UBL4B: variants seen among roughly 807,000 people sequenced by gnomAD.
The protein encoded by UBL4B is ubiquitin like 4B.
For synonymous variants in UBL4B, 94 were observed against 92.8 expected (o/e 1.01, Z -0.08); for missense variants, 194 against 209.9 (o/e 0.92, Z 0.47).
chr1:110,113,030 GAGA>G lies in UBL4B; in HGVS notation c.499_501del (p.Lys167del), dbSNP rs762319064. 8.2e-6 allele frequency: 13 copies of G among 1,589,402 alleles called. No homozygotes were observed. The Admixed American group carries it at 2.4e-4, about 29-fold the overall frequency. ...GCCTCAGAGCTCCTGTGACATGGAG[GAGA>G]AGGAGGAGGCAGCAGCTGATCAGTA... is the stretch of plus-strand genomic sequence containing the variant. On this transcript the variant is annotated inframe_deletion, in exon 1 of 1. Coordinates refer to ENST00000334179, the MANE Select transcript of UBL4B (RefSeq NM_203412.2).
chr1:110,113,338 G>A lies in UBL4B; in HGVS notation c.*279G>A. The A allele has an allele frequency of 2.3e-6, 1 of 435,308 alleles. No individual in the cohort carries two copies. The allele number at this position is 435,308 out of a possible 1,614,324, so 27.0% of individuals were successfully genotyped here. A position where few individuals can be genotyped will look rare whatever the true frequency, so the allele number is the denominator to read the frequency against. On this transcript the variant is annotated 3_prime_UTR_variant, in exon 1 of 1. Coordinates refer to ENST00000334179, the MANE Select transcript of UBL4B (RefSeq NM_203412.2). ...AAGGCCACAGTCCCCTCCTGTGCTG[G>A]CAGCTTTGCCCACACATACCCAGCA... is the stretch of plus-strand genomic sequence containing the variant.
chr1:110,112,527 T>C lies in UBL4B; in HGVS notation c.-8T>C, dbSNP rs369466291. ...GAGCATGGATCCCTCCTGATTCCAC[T>C]CAGCCCGATGTTCCTCACAGTCAAG... On this transcript the variant is annotated 5_prime_UTR_variant, in exon 1 of 1. Transcript: ENST00000334179. 6.3e-7 allele frequency: 1 copy of C among 1,597,520 alleles called. No homozygotes were observed. The highest frequency in any genetic ancestry group is 8.5e-7 in the Non-Finnish European group (1 of 1,171,330).
chr1:110,113,193 AG>A lies in UBL4B; in HGVS notation c.*137del. The A allele has an allele frequency of 7.4e-7, 1 of 1,347,564 alleles. No homozygotes were observed. The highest frequency in any genetic ancestry group is 2.5e-5 in the East Asian group (1 of 39,300). The allele number at this position is 1,347,564 out of a possible 1,614,324, so 83.5% of individuals were successfully genotyped here. A position where few individuals can be genotyped will look rare whatever the true frequency, so the allele number is the denominator to read the frequency against. On this transcript the variant is annotated 3_prime_UTR_variant, in exon 1 of 1. Coordinates refer to ENST00000334179, the MANE Select transcript of UBL4B (RefSeq NM_203412.2). The stretch of plus-strand genomic sequence containing the variant: ...CTTTTTGAACCTTCCAAGCAGCTGG[AG>A]GGTTTTTGGATCCCTGTCCCCTCTT...
chr1:110,112,823 G>C lies in UBL4B; in HGVS notation c.289G>C (p.Val97Leu). ...TQPLWHQLGL[V>L]LAKHFEPQDA... ...GCCCCTGTGGCACCAGCTGGGACTG[G>C]TCCTAGCTAAACACTTTGAACCACA... The change falls in exon 1 of 1, where the codon GTC becomes CTC. Residue 97 changes from valine (V) to leucine (L), a missense_variant. Val to Leu is a conservative substitution (Grantham distance 32, BLOSUM62 1). Coordinates refer to ENST00000334179, the MANE Select transcript of UBL4B (RefSeq NM_203412.2). 1 of 1,613,852 alleles carries C rather than the reference G, an allele frequency of 6.2e-7. No individual in the cohort carries two copies. The highest frequency in any genetic ancestry group is 8.5e-7 in the Non-Finnish European group (1 of 1,180,010).
At position 110,112,601 on chromosome 1, in the gene UBL4B, G is replaced by A. The variant is rs1654820704; in HGVS notation, c.67G>A (p.Val23Ile). 3 of 1,614,142 alleles carry A rather than the reference G, an allele frequency of 1.9e-6. No individual in the cohort carries two copies. Among genetic ancestry groups the A allele is most frequent in the Non-Finnish European group, 2.5e-6 (3 of 1,180,046 alleles). The change falls in exon 1 of 1, where the codon GTA (valine) becomes ATA (isoleucine). Residue 23 changes from valine to isoleucine, a missense_variant. By Grantham distance (29) the Val-to-Ile change is conservative. Transcript: ENST00000334179. ...TCTGAAGGTGTCAGGGCAAGAGAGT[G>A]TAGCCACGCTGAAGAGACTGGTGTC... is the stretch of plus-strand genomic sequence containing the variant. ...CSLKVSGQES[V>I]ATLKRLVSRR...
chr1:110,112,817 G>A lies in UBL4B; in HGVS notation c.283G>A (p.Gly95Arg). ...GACCCAGCCCCTGTGGCACCAGCTG[G>A]GACTGGTCCTAGCTAAACACTTTGA... ...PQTQPLWHQL[G>R]LVLAKHFEPQ... Residue 95 changes from glycine (G) to arginine (R), a missense_variant, in exon 1 of 1, where the codon GGA becomes AGA. Transcript: ENST00000334179. 2 of 1,613,900 alleles carry A rather than the reference G, an allele frequency of 1.2e-6. No individual in the cohort carries two copies. The highest frequency in any genetic ancestry group is 2.2e-5 in the South Asian group (2 of 91,088).
chr1:110,112,902 A>G lies in UBL4B; in HGVS notation c.368A>G (p.Gln123Arg), dbSNP rs375276689. 1 of 1,612,926 alleles carries G rather than the reference A, an allele frequency of 6.2e-7. No homozygotes were observed. Among genetic ancestry groups the G allele is most frequent in the Admixed American group, 1.7e-5 (1 of 59,854 alleles). Residue 123 changes from glutamine to arginine, a missense_variant, in exon 1 of 1, where the codon CAG (glutamine) becomes CGG (arginine). Coordinates refer to ENST00000334179, the MANE Select transcript of UBL4B (RefSeq NM_203412.2). ...AGGCAGGAGCACGAGGAGCGCCTGC[A>G]GAAGATAAGCCTGGAGCACCTGGAG... ...LLRQEHEERL[Q>R]KISLEHLEQL... is the part of the protein sequence containing the mutation.
At position 110,112,681 on chromosome 1, in the gene UBL4B, C is replaced by G. The variant is rs1192446376; in HGVS notation, c.147C>G (p.Leu49=). 46 of 1,614,038 alleles carry G rather than the reference C, an allele frequency of 2.8e-5. 1 individual carries two copies. The highest frequency in any genetic ancestry group is 3.9e-5 in the Non-Finnish European group (46 of 1,180,050). The change falls in exon 1 of 1, where the codon CTC becomes CTG. Residue 49 remains leucine (L), a synonymous_variant. Coordinates refer to ENST00000334179, the MANE Select transcript of UBL4B (RefSeq NM_203412.2). ...EQQHLLFRGQ[L]LEDDKHLSDY... is the part of the protein sequence containing the mutation. ...AGCACCTGCTTTTCCGTGGCCAGCTCCTGGAGGATGACAAGCACCTCTCTG... is the reference window on the plus strand; with the variant it reads ...AGCACCTGCTTTTCCGTGGCCAGCTGCTGGAGGATGACAAGCACCTCTCTG...
rs2101819040 is a variant in UBL4B, at chr1:110,113,114, G to A, written c.*55G>A. On this transcript the variant is annotated 3_prime_UTR_variant, in exon 1 of 1. Transcript: ENST00000334179. ...AATTCTCCCGGCCTCATCCTTACGT[G>A]TTCCCTGGTGACTTTTCCTACTACT... 6.7e-7 allele frequency: 1 copy of A among 1,496,170 alleles called. No individual in the cohort carries two copies. The highest frequency in any genetic ancestry group is 8.9e-7 in the Non-Finnish European group (1 of 1,124,228). The allele number at this position is 1,496,170 out of a possible 1,614,324, so 92.7% of individuals were successfully genotyped here. A position where few individuals can be genotyped will look rare whatever the true frequency, so the allele number is the denominator to read the frequency against.
chr1:110,112,964 G>C lies in UBL4B; in HGVS notation c.430G>C (p.Val144Leu), dbSNP rs369258979. The change falls in exon 1 of 1, where the codon GTG (valine) becomes CTG (leucine). Residue 144 changes from valine to leucine, a missense_variant. Transcript: ENST00000334179. ...AQYLLAEEPH[V>L]EPAGERELEA... The stretch of plus-strand genomic sequence containing the variant: ...GTACCTCCTGGCAGAGGAGCCTCAC[G>C]TGGAGCCAGCTGGAGAGAGGGAGCT... 4 of 1,607,400 alleles carry C rather than the reference G, an allele frequency of 2.5e-6. No individual in the cohort carries two copies. The highest frequency in any genetic ancestry group is 3.4e-6 in the Non-Finnish European group (4 of 1,177,120).
chr1:110,112,592 C>A lies in UBL4B; in HGVS notation c.58C>A (p.Gln20Lys). 1.2e-6 allele frequency: 2 copies of A among 1,614,006 alleles called. No individual in the cohort carries two copies. The highest frequency in any genetic ancestry group is 1.7e-6 in the Non-Finnish European group (2 of 1,180,010). ...GQRCSLKVSG[Q>K]ESVATLKRLV... is the part of the protein sequence containing the mutation. ...GAGATGCAGTCTGAAGGTGTCAGGG[C>A]AAGAGAGTGTAGCCACGCTGAAGAG... The change falls in exon 1 of 1, where the codon CAA (glutamine) becomes AAA (lysine). Residue 20 changes from glutamine to lysine, a missense_variant. Transcript: ENST00000334179.
rs1570957571 is a variant in UBL4B, at chr1:110,112,496, C to T, written c.-39C>T. ...CAGGACCCCCTAATCTTCAGGGCAG[C>T]TCCCAGAGCATGGATCCCTCCTGAT... On this transcript the variant is annotated 5_prime_UTR_variant, in exon 1 of 1. Coordinates refer to ENST00000334179, the MANE Select transcript of UBL4B (RefSeq NM_203412.2). 1 of 1,563,322 alleles carries T rather than the reference C, an allele frequency of 6.4e-7. No homozygotes were observed. Among genetic ancestry groups the T allele is most frequent in the East Asian group, 2.3e-5 (1 of 44,416 alleles).
Position 110,113,095 on chromosome 1 carries a change from C to T in UBL4B, c.*36C>T. 3 of 1,521,276 alleles carry T rather than the reference C, an allele frequency of 2.0e-6. No homozygotes were observed. Among genetic ancestry groups the T allele is most frequent in the South Asian group, 2.7e-5 (2 of 74,448 alleles). 94.2% of individuals were successfully genotyped at this position (1,521,276 alleles called of 1,614,324 possible). The stretch of plus-strand genomic sequence containing the variant: ...CTACCCATTTGCATGCTAAAATTCT[C>T]CCGGCCTCATCCTTACGTGTTCCCT... On this transcript the variant is annotated 3_prime_UTR_variant, in exon 1 of 1. Coordinates refer to ENST00000334179, the MANE Select transcript of UBL4B (RefSeq NM_203412.2).
Position 110,113,042 on chromosome 1 carries a change from G to A in UBL4B, c.508G>A (p.Ala170Thr), listed in dbSNP as rs770670019. Residue 170 changes from alanine (A) to threonine (T), a missense_variant, in exon 1 of 1, where the codon GCA becomes ACA. Transcript: ENST00000334179. Reference protein sequence around the residue: ...SSCDMEEKEEAAADQ With the variant: ...SSCDMEEKEETAADQ ...CTGTGACATGGAGGAGAAGGAGGAG[G>A]CAGCAGCTGATCAGTAAACGGGCCA... 2.2e-5 allele frequency: 35 copies of A among 1,580,272 alleles called. No homozygotes were observed. Among genetic ancestry groups the A allele is most frequent in the South Asian group, 1.9e-4 (16 of 85,212 alleles).
Position 110,113,396 on chromosome 1 carries a change from G to C in UBL4B, c.*337G>C, listed in dbSNP as rs571262097. On this transcript the variant is annotated 3_prime_UTR_variant, in exon 1 of 1. Coordinates refer to ENST00000334179, the MANE Select transcript of UBL4B (RefSeq NM_203412.2). ...AGGCTGAAAGCAGCCCTGGCCCAGG[G>C]TCTCCATGGTTCTAGGCAGACCCTC... 7 of 308,712 alleles carry C rather than the reference G, an allele frequency of 2.3e-5. No homozygotes were observed. The highest frequency in any genetic ancestry group is 1.5e-4 in the African/African-American group (7 of 46,480). The allele number at this position is 308,712 out of a possible 1,614,324, so 19.1% of individuals were successfully genotyped here.
rs368406508 is a variant in UBL4B, at chr1:110,112,671, G to A, written c.137G>A (p.Arg46His). Residue 46 changes from arginine (R) to histidine (H), a missense_variant, in exon 1 of 1, where the codon CGT becomes CAT. Arg to His is a conservative substitution (Grantham distance 29). Transcript: ENST00000334179. ...VPEEQQHLLF[R>H]GQLLEDDKHL... ...GAGGAGCAGCAGCACCTGCTTTTCCGTGGCCAGCTCCTGGAGGATGACAAG... is the reference window on the plus strand; with the variant it reads ...GAGGAGCAGCAGCACCTGCTTTTCCATGGCCAGCTCCTGGAGGATGACAAG... 1.8e-5 allele frequency: 29 copies of A among 1,614,040 alleles called. No homozygotes were observed. Among genetic ancestry groups the A allele is most frequent in the African/African-American group, 2.7e-5 (2 of 74,922 alleles).
chr1:110,113,186 C>T lies in UBL4B; in HGVS notation c.*127C>T. ...CACACCCCTTTTTGAACCTTCCAAGCAGCTGGAGGGTTTTTGGATCCCTGT... is the reference window on the plus strand; with the variant it reads ...CACACCCCTTTTTGAACCTTCCAAGTAGCTGGAGGGTTTTTGGATCCCTGT... On this transcript the variant is annotated 3_prime_UTR_variant, in exon 1 of 1. Coordinates refer to ENST00000334179, the MANE Select transcript of UBL4B (RefSeq NM_203412.2). 1.5e-6 allele frequency: 2 copies of T among 1,365,918 alleles called. No individual in the cohort carries two copies. Among genetic ancestry groups the T allele is most frequent in the Non-Finnish European group, 2.0e-6 (2 of 1,025,000 alleles). The allele number at this position is 1,365,918 out of a possible 1,614,324, so 84.6% of individuals were successfully genotyped here.
rs1654837086 is a variant in UBL4B, at chr1:110,113,104, A to C, written c.*45A>C. 1 of 1,510,572 alleles carries C rather than the reference A, an allele frequency of 6.6e-7. No individual in the cohort carries two copies. The highest frequency in any genetic ancestry group is 2.3e-5 in the East Asian group (1 of 43,554). 93.6% of individuals were successfully genotyped at this position (1,510,572 alleles called of 1,614,324 possible). On this transcript the variant is annotated 3_prime_UTR_variant, in exon 1 of 1. Coordinates refer to ENST00000334179, the MANE Select transcript of UBL4B (RefSeq NM_203412.2). ...TGCATGCTAAAATTCTCCCGGCCTCATCCTTACGTGTTCCCTGGTGACTTT... is the reference window on the plus strand; with the variant it reads ...TGCATGCTAAAATTCTCCCGGCCTCCTCCTTACGTGTTCCCTGGTGACTTT...
At position 110,113,293 on chromosome 1, in the gene UBL4B, A is replaced by T; in HGVS notation, c.*234A>T. The T allele has an allele frequency of 1.7e-6, 1 of 597,286 alleles. No homozygotes were observed. 37.0% of individuals were successfully genotyped at this position (597,286 alleles called of 1,614,324 possible). A position where few individuals can be genotyped will look rare whatever the true frequency, so the allele number is the denominator to read the frequency against. On this transcript the variant is annotated 3_prime_UTR_variant, in exon 1 of 1. Coordinates refer to ENST00000334179, the MANE Select transcript of UBL4B (RefSeq NM_203412.2). The stretch of plus-strand genomic sequence containing the variant: ...CCATGCTTCCCCTAGAAGGGTTCTG[A>T]TCACCGGAGGGCAGCCCCAAAGGCC...
Sources: gnomAD v4.1 joint callset for allele counts on GRCh38, gnomAD v4.1.1 for gene constraint, MANE v1.5 for transcripts, NCBI Gene and HGNC (gene_info 2026-07-23, HGNC 2026-07-21) for gene names.